Variants in RAB38 observed in about 807,000 individuals in gnomAD.
RAB38 encodes the protein ras-related protein Rab-38.
A neutral mutation model predicts 18.4 loss-of-function variants in RAB38; 15 were observed. The observed-to-expected ratio is 0.82, with a 90% CI of 0.55 to 1.26. RAB38 has a LOEUF of 1.26. RAB38 is among the 50% of genes most tolerant of loss of function. RAB38 has a pLI of 0.00. For missense variants in RAB38, 294 were observed against 267.4 expected, an observed-to-expected ratio of 1.10 and a Z score of -0.69; for synonymous variants, 101 against 104.4, an observed-to-expected ratio of 0.97 and a Z score of 0.20.
At chr11:87,905,395 C>T in the RAB38 span, among the ~76,000 whole-genome samples, 1 of 151,708 alleles carries the variant, frequency 6.6e-6, no homozygotes, top group South Asian at 2.1e-4. Flanking sequence ...GCATATATTC[C>T]TGTGTCTTTG....
chr11:87,961,646 A>G, the RAB38 span, among the ~76,000 whole-genome samples: 2 of 152,184 alleles, frequency 1.3e-5, no homozygotes, highest in South Asian at 2.1e-4. Context: ...TACATCCTGA[A>G]AAGAGGAATG....
chr11:87,918,602 G>A, the RAB38 span, among the ~76,000 whole-genome samples: 1 of 152,072 alleles, frequency 6.6e-6, no homozygotes, highest in Admixed American at 6.6e-5. Flanking sequence ...TTTCACTGTG[G>A]TTTTCATATG....
At chr11:88,121,281 G>A (rs560920705) in intron 2 of RAB38, among the ~76,000 whole-genome samples, 1 of 152,152 alleles carries the variant, frequency 6.6e-6, no homozygotes, top group Non-Finnish European at 1.5e-5. Context: ...TGCATATGAG[G>A]TATCTAAACA....
chr11:88,087,240 G>A, the RAB38 span, among the ~76,000 whole-genome samples: 1 of 151,438 alleles, frequency 6.6e-6, no homozygotes, highest in Non-Finnish European at 1.5e-5. Flanking sequence ...CCCAGAACAA[G>A]GGCTACTCAG....
At chr11:88,087,269 C>T in the RAB38 span, among the ~76,000 whole-genome samples, 1 of 151,890 alleles carries the variant, frequency 6.6e-6, no homozygotes, top group East Asian at 1.9e-4. Context: ...CCACACTTGG[C>T]CATTGTTTCA....
chr11:87,971,322 G>A, the RAB38 span, among the ~76,000 whole-genome samples: 4 of 152,200 alleles, frequency 2.6e-5, no homozygotes, highest in Middle Eastern at 3.4e-3. Flanking sequence ...GAGGCAGGAA[G>A]AACATTGCTT....
the RAB38 span, among the ~76,000 whole-genome samples, chr11:88,016,263 G>T: frequency 6.6e-6 from 1 of 152,088 alleles, no homozygotes; most frequent in African/African-American, 2.4e-5. Flanking sequence ...CCCTTGCAAT[G>T]ATTACTTTAA....
At chr11:87,975,084 C>T in the RAB38 span, among the ~76,000 whole-genome samples, 1 of 151,836 alleles carries the variant, frequency 6.6e-6, no homozygotes, top group Admixed American at 6.6e-5. Context: ...CTTATAGACA[C>T]CTCACTCCCA....
At chr11:87,807,428 G>T in the RAB38 span, among the ~76,000 whole-genome samples, 6 of 152,278 alleles carry the variant, frequency 3.9e-5, no homozygotes, top group African/African-American at 1.4e-4. Context: ...CTATGGCTTT[G>T]TTCTTTATGG....
At chr11:88,169,341 TTC>T (rs1405530681) in intron 1 of RAB38, among the ~76,000 whole-genome samples, 3 of 152,254 alleles carry the variant, frequency 2.0e-5, no homozygotes, top group Non-Finnish European at 4.4e-5. Context: ...TTGTTTGTAT[TTC>T]TTTCTTGTTT....
chr11:88,065,735 A>C, the RAB38 span, among the ~76,000 whole-genome samples: 3 of 152,232 alleles, frequency 2.0e-5, no homozygotes, highest in African/African-American at 7.2e-5. Context: ...GGATTAAATG[A>C]GTATATGAAA....
chr11:88,028,412 C>A, the RAB38 span, among the ~76,000 whole-genome samples: 14 of 152,174 alleles, frequency 9.2e-5, no homozygotes, highest in African/African-American at 3.1e-4. Context: ...AAGAAGGCTT[C>A]AGACGATCAA....
the RAB38 span, among the ~76,000 whole-genome samples, chr11:88,088,574 A>C: frequency 6.6e-6 from 1 of 151,798 alleles, no homozygotes; most frequent in South Asian, 2.1e-4. Flanking sequence ...TGATTTCATG[A>C]TTTTTTGAAA....
At chr11:87,974,332 A>C in the RAB38 span, among the ~76,000 whole-genome samples, 2 of 151,488 alleles carry the variant, frequency 1.3e-5, no homozygotes, top group African/African-American at 4.8e-5. Context: ...ACTTTGAAAG[A>C]ATTGAAAACC....
chr11:87,899,420 A>G, the RAB38 span, among the ~76,000 whole-genome samples: 7 of 151,776 alleles, frequency 4.6e-5, no homozygotes, highest in South Asian at 1.5e-3. Flanking sequence ...TTTCTTTATA[A>G]TGGCTATTTG....
the RAB38 span, among the ~76,000 whole-genome samples, chr11:87,843,450 A>T: frequency 6.6e-6 from 1 of 152,192 alleles, no homozygotes; most frequent in African/African-American, 2.4e-5. Context: ...AGTTACCTAT[A>T]AATTACTCAG....
chr11:87,811,355 G>A, the RAB38 span, among the ~76,000 whole-genome samples: 1 of 152,226 alleles, frequency 6.6e-6, no homozygotes. Context: ...CCTGGTGCCA[G>A]CTGCCGAATT....
At chr11:87,932,880 A>G in the RAB38 span, among the ~76,000 whole-genome samples, 1 of 152,066 alleles carries the variant, frequency 6.6e-6, no homozygotes. Context: ...CAGCAAAGGG[A>G]CCTAGGGACA....
chr11:88,061,110 T>C, the RAB38 span, among the ~76,000 whole-genome samples: 6 of 152,220 alleles, frequency 3.9e-5, no homozygotes, highest in Non-Finnish European at 7.3e-5. Flanking sequence ...ATGTGAACAG[T>C]AATCATCACA....
Sources: gnomAD v4.1 joint callset for allele counts (sites outside exome capture counted in the v4.1 genomes callset) on GRCh38, gnomAD v4.1.1 for gene constraint, MANE v1.5 for transcripts, NCBI Gene and HGNC (gene_info 2026-07-23, HGNC 2026-07-21) for gene names.